The following PCDH7 variants were observed in gnomAD, a reference collection of about 807,000 sequenced individuals.
PCDH7 encodes protocadherin-7.
Under a neutral mutation model 58.9 loss-of-function variants are expected in PCDH7, and 17 were observed. The ratio of observed to expected loss-of-function variants is 0.29; its 90% confidence interval spans 0.20 to 0.43. The LOEUF (loss-of-function observed/expected upper bound fraction) is 0.43, where lower values mean the gene tolerates loss of function less well. Among genes scored for constraint, PCDH7 ranks in the 20% least tolerant of loss-of-function variants. The pLI is 1.00. For synonymous variants in PCDH7, 664 were observed against 616.4 expected, an observed-to-expected ratio of 1.08 and a Z score of -1.14; for missense variants, 1,274 against 1,441.0, an observed-to-expected ratio of 0.88 and a Z score of 1.88.
At chr4:30,823,704 A>G (rs778129307) in intron 1 of PCDH7, among the ~76,000 whole-genome samples, 1 of 152,142 alleles carries the variant, frequency 6.6e-6, no homozygotes, top group Non-Finnish European at 1.5e-5. Context: ...GATTGATAAT[A>G]TCAAGAGCTA....
intron 1 of PCDH7, among the ~76,000 whole-genome samples, chr4:30,909,614 T>C (rs781110383): frequency 3.3e-5 from 5 of 152,244 alleles, no homozygotes; most frequent in Middle Eastern, 3.4e-3. Context: ...GAATACAACT[T>C]ACAAAGGATG....
In PCDH7 at chr4:30,884,859, T is replaced by C. The variant is rs1472925528; in HGVS notation, c.71-35294T>C. ...TCAGGCAAAAATAGTACTAGAGTTA[T>C]TAAGGAGGAGGAGGAAAATGAAACC... On this transcript the variant is annotated intron_variant, in intron 1 of 3. Coordinates refer to the PCDH7 transcript ENST00000509759. 3.3e-5 allele frequency: 5 copies of C among 152,124 alleles called. No individual in the cohort carries two copies. In the East Asian group the frequency reaches 9.7e-4, roughly 29 times the overall value. 9.4% of individuals were successfully genotyped at this position (152,124 alleles called of 1,614,324 possible). A position where few individuals can be genotyped will look rare whatever the true frequency, so the allele number is the denominator to read the frequency against.
chr4:31,024,345 A>AT (rs1459402339), intron 3 of PCDH7, among the ~76,000 whole-genome samples: 1 of 152,170 alleles, frequency 6.6e-6, no homozygotes, highest in Non-Finnish European at 1.5e-5. Context: ...TATCTGCTTA[A>AT]TAGGAGAATT....
intron 1 of PCDH7, among the ~76,000 whole-genome samples, chr4:30,867,846 C>T (rs1043005910): frequency 2.0e-5 from 3 of 151,936 alleles, no homozygotes; most frequent in African/African-American, 7.2e-5. Flanking sequence ...AGGTGATATC[C>T]TCATTTTGAG....
Position 30,723,944 on chromosome 4 carries a change from A to G in PCDH7, c.2522A>G (p.Glu841Gly), listed in dbSNP as rs1335551479. Residue 841 changes from glutamate (E) to glycine (G), a missense_variant, in exon 1 of 2, where the codon GAA becomes GGA. Coordinates refer to ENST00000361762, the Ensembl canonical transcript of PCDH7. This position sits in a 1 kb window ranked among gnomAD's most constrained non-coding sequence, Gnocchi z 4.6. The stretch of plus-strand genomic sequence containing the variant: ...ACTCTGGTGCACGTGTTTGTCAATG[A>G]AAGTGTTTCTAATGCAACTGCGATT... 6.2e-7 allele frequency: 1 copy of G among 1,614,120 alleles called. No individual in the cohort carries two copies. Among genetic ancestry groups the G allele is most frequent in the Non-Finnish European group, 8.5e-7 (1 of 1,180,028 alleles).
intron 1 of PCDH7, among the ~76,000 whole-genome samples, chr4:30,738,584 T>G (rs1202566779): frequency 6.6e-6 from 1 of 152,180 alleles, no homozygotes; most frequent in Non-Finnish European, 1.5e-5. Flanking sequence ...AACATCTTAG[T>G]TTTTTCTTAA....
intron 3 of PCDH7, among the ~76,000 whole-genome samples, chr4:31,019,375 G>A (rs1299497963): frequency 6.6e-6 from 1 of 152,122 alleles, no homozygotes. Context: ...GAGGCCACAT[G>A]TCTGGGCCAG....
At chr4:30,860,782 A>T in intron 1 of PCDH7, among the ~76,000 whole-genome samples, 1 of 152,054 alleles carries the variant, frequency 6.6e-6, no homozygotes, top group East Asian at 1.9e-4. Context: ...TTAACATGTG[A>T]CTCTTCTAAA....
chr4:30,851,743 C>A (rs1732781106), intron 1 of PCDH7, among the ~76,000 whole-genome samples: 1 of 151,940 alleles, frequency 6.6e-6, no homozygotes, highest in Non-Finnish European at 1.5e-5. Context: ...GAAGAAGTAA[C>A]CATTACTTCT....
intron 3 of PCDH7, among the ~76,000 whole-genome samples, chr4:30,992,626 A>C (rs1342900180): frequency 6.6e-6 from 1 of 152,088 alleles, no homozygotes; most frequent in East Asian, 1.9e-4. Context: ...ATCATCTTAT[A>C]AATCACAAGA....
chr4:30,807,835 T>C (rs990462947), intron 1 of PCDH7, among the ~76,000 whole-genome samples: 1 of 152,072 alleles, frequency 6.6e-6, no homozygotes, highest in Non-Finnish European at 1.5e-5. Flanking sequence ...GAGGCTTTGA[T>C]CTTAATTATT....
intron 3 of PCDH7, among the ~76,000 whole-genome samples, chr4:31,035,890 T>C (rs1181098324): frequency 1.3e-5 from 2 of 152,188 alleles, no homozygotes; most frequent in Non-Finnish European, 2.9e-5. Context: ...TAGAAATATA[T>C]TTATGGTAGC....
chr4:31,112,667 C>G (rs73812534), intron 3 of PCDH7, among the ~76,000 whole-genome samples: 4,764 of 151,968 alleles, frequency 0.031, 96 homozygotes, highest in Non-Finnish European at 0.034. Context: ...GGGATTGTTT[C>G]CTATTGAGAA....
intron 1 of PCDH7, among the ~76,000 whole-genome samples, chr4:30,835,055 A>G: frequency 6.6e-6 from 1 of 152,172 alleles, no homozygotes; most frequent in South Asian, 2.1e-4. Flanking sequence ...AGGTAGCTGA[A>G]TTTGTCGGTT....
At chr4:31,076,014 G>A (rs1758961138) in intron 3 of PCDH7, among the ~76,000 whole-genome samples, 1 of 152,162 alleles carries the variant, frequency 6.6e-6, no homozygotes, top group Admixed American at 6.5e-5. Context: ...GGAAATATTT[G>A]TATCTCTAAA....
At position 30,721,435 on chromosome 4, in the gene PCDH7, C is replaced by A. The variant is rs759024952; in HGVS notation, c.13C>A (p.Arg5=). 6.6e-6 allele frequency: 10 copies of A among 1,517,490 alleles called. No individual in the cohort carries two copies. In the East Asian group the frequency reaches 2.1e-4, roughly 32 times the overall value. 94.0% of individuals were successfully genotyped at this position (1,517,490 alleles called of 1,614,324 possible). The change falls in exon 1 of 2, where the codon CGG becomes AGG. Residue 5 remains arginine, a synonymous_variant. Transcript: ENST00000361762. The surrounding 1 kb of genome is among the most constrained non-coding windows in gnomAD (Gnocchi z 6.7). ...GCAGCAGGAGAAGATGCTGAGGATG[C>A]GGACCGCGGGATGGGCGCGCGGCTG...
intron 1 of PCDH7, among the ~76,000 whole-genome samples, chr4:30,842,284 C>T (rs750287564): frequency 7.2e-5 from 11 of 151,956 alleles, no homozygotes; most frequent in Non-Finnish European, 1.2e-4. Context: ...ACAAATTAAC[C>T]GAATGCATAG....
At chr4:30,904,004 CAT>C (rs1225635143) in intron 1 of PCDH7, among the ~76,000 whole-genome samples, 3 of 152,072 alleles carry the variant, frequency 2.0e-5, no homozygotes, top group African/African-American at 7.2e-5. Flanking sequence ...GTTAGAATGA[CAT>C]GTGATTTGCA....
Position 30,722,170 on chromosome 4 carries a change from G to C in PCDH7, c.748G>C (p.Asp250His), listed in dbSNP as rs781016858. ...CAGCGTGTTCGAGCTGCAGGTGGCG[G>C]ACACCCCGGACGGCGAGAAGCAGCC... The change falls in exon 1 of 2, where the codon GAC (aspartate) becomes CAC (histidine). Residue 250 changes from aspartate (D) to histidine (H), a missense_variant. Physicochemically the swap from Asp to His is moderately conservative, Grantham distance 81. Around this residue, in one of 3 missense-constraint regions of PCDH7, gnomAD observed 331 missense variants for 303.2 expected, o/e 1.09. Transcript: ENST00000361762. This position sits in a 1 kb window ranked among gnomAD's most constrained non-coding sequence, Gnocchi z 7.6. The C allele has an allele frequency of 5.2e-6, 8 of 1,538,412 alleles. No individual in the cohort carries two copies. The highest frequency in any genetic ancestry group is 7.0e-6 in the Non-Finnish European group (8 of 1,143,572).
Sources: allele counts gnomAD v4.1 joint callset (sites outside exome capture counted in the v4.1 genomes callset), GRCh38; gene constraint gnomAD v4.1.1; regional missense constraint gnomAD v4.1.1; non-coding constraint Gnocchi (gnomAD v3.1); transcripts MANE v1.5; gene names NCBI Gene and HGNC (gene_info 2026-07-23, HGNC 2026-07-21).